The following MTFR1 variants were observed in gnomAD, a reference collection of about 807,000 sequenced individuals.
MTFR1 encodes the protein chondrocyte protein with a poly-proline region.
Under a neutral mutation model 38.8 loss-of-function variants are expected in MTFR1, and 28 were observed. That is an observed-to-expected ratio of 0.72 (90% CI 0.53 to 0.99). The LOEUF (loss-of-function observed/expected upper bound fraction) is 0.99, where lower values mean the gene tolerates loss of function less well. MTFR1 is among the 50% of genes least tolerant of loss of function. The pLI, the probability that MTFR1 is intolerant of heterozygous loss-of-function variation, is 0.00. For missense variants in MTFR1, 358 were observed against 395.5 expected (o/e 0.91, Z 0.81); for synonymous variants, 145 against 137.0 (o/e 1.06, Z -0.41).
intron 1 of MTFR1, among the ~76,000 whole-genome samples, chr8:65,667,098 T>C (rs1254034428): frequency 6.6e-6 from 1 of 152,106 alleles, no homozygotes; most frequent in Admixed American, 6.6e-5. Flanking sequence ...ACCAACATGG[T>C]GAAACCCTGT....
chr8:65,766,226 G>A (rs1344094194), intron 3 of MTFR1, among the ~76,000 whole-genome samples: 1 of 152,160 alleles, frequency 6.6e-6, no homozygotes. Flanking sequence ...GATTACAGGC[G>A]TGAGCCACCA....
At chr8:65,767,390 G>A (rs1194404392) in intron 3 of MTFR1, among the ~76,000 whole-genome samples, 6 of 152,186 alleles carry the variant, frequency 3.9e-5, no homozygotes, top group African/African-American at 1.4e-4. Flanking sequence ...TTTAACTAAT[G>A]GGAGTGTAGT....
chr8:65,660,054 C>G (rs1352911509), intron 1 of MTFR1, among the ~76,000 whole-genome samples: 1 of 152,146 alleles, frequency 6.6e-6, no homozygotes, highest in African/African-American at 2.4e-5. Flanking sequence ...CTTCGGGAGG[C>G]TGAGGCTGGT....
At chr8:65,679,868 G>C (rs16932294) in intron 2 of MTFR1, among the ~76,000 whole-genome samples, 22,810 of 152,034 alleles carry the variant, frequency 0.15, 1,759 homozygotes, top group Middle Eastern at 0.18. Flanking sequence ...AAGCTTCAGA[G>C]TAACTTTGCT....
At chr8:65,655,970 C>CATATATATAT (rs1367084824) in intron 1 of MTFR1, among the ~76,000 whole-genome samples, 3 of 53,636 alleles carry the variant, frequency 5.6e-5, no homozygotes, top group African/African-American at 3.1e-4. Context: ...ATATATATAC[C>CATATATATAT]ATATATATAT....
At chr8:65,739,730 T>G (rs778390474) in intron 3 of MTFR1, 42 of 945,202 alleles carry the variant, frequency 4.4e-5, no homozygotes, top group South Asian at 7.7e-5. Context: ...ATCAAAAATA[T>G]GCATCTTCTT....
At chr8:65,742,553 A>G (rs1380273079) in intron 3 of MTFR1, among the ~76,000 whole-genome samples, 2 of 152,218 alleles carry the variant, frequency 1.3e-5, no homozygotes, top group Non-Finnish European at 2.9e-5. Context: ...CATAAGAAAC[A>G]CAAGAAAGCA....
At chr8:65,739,367 G>C in intron 3 of MTFR1, 1 of 977,038 alleles carries the variant, frequency 1.0e-6, no homozygotes, top group Non-Finnish European at 1.4e-6. Context: ...CTAAATAACT[G>C]TGTGTTGTTT....
At chr8:65,745,374 C>T (rs751938227) in intron 3 of MTFR1, 1 of 1,238,098 alleles carries the variant, frequency 8.1e-7, no homozygotes. Context: ...ATCTAGACTA[C>T]ATTAACTTGA....
chr8:65,653,235 A>G (rs1289918217), intron 1 of MTFR1, among the ~76,000 whole-genome samples: 1 of 152,198 alleles, frequency 6.6e-6, no homozygotes, highest in Non-Finnish European at 1.5e-5. Flanking sequence ...AAGATCGAGC[A>G]CAGTGGCACA....
chr8:65,672,183 C>T (rs1054881602), intron 2 of MTFR1, among the ~76,000 whole-genome samples: 3 of 152,200 alleles, frequency 2.0e-5, no homozygotes, highest in Non-Finnish European at 2.9e-5. Flanking sequence ...CTATTTTTAA[C>T]TTATTGAAGC....
chr8:65,659,317 A>T (rs1311896417), intron 1 of MTFR1, among the ~76,000 whole-genome samples: 1 of 151,812 alleles, frequency 6.6e-6, no homozygotes, highest in Non-Finnish European at 1.5e-5. Context: ...TGAAACCAGC[A>T]CTCAGGCAAA....
chr8:65,695,450 G>C (rs1297384299), intron 4 of MTFR1, among the ~76,000 whole-genome samples: 2 of 151,976 alleles, frequency 1.3e-5, no homozygotes, highest in African/African-American at 4.8e-5. Context: ...CCCACCTCCC[G>C]GGTTCTATCA....
At chr8:65,660,147 C>G (rs370401468) in intron 1 of MTFR1, among the ~76,000 whole-genome samples, 1 of 152,000 alleles carries the variant, frequency 6.6e-6, no homozygotes, top group African/African-American at 2.4e-5. Flanking sequence ...AAAAATTAGC[C>G]AGGCATGGTG....
intron 4 of MTFR1, among the ~76,000 whole-genome samples, chr8:65,700,682 C>T (rs1017048075): frequency 2.0e-5 from 3 of 152,220 alleles, no homozygotes; most frequent in African/African-American, 7.2e-5. Flanking sequence ...AGGGAAAAGT[C>T]AAGCTGGGAA....
intron 3 of MTFR1, chr8:65,747,573 A>C (rs964318587): frequency 1.2e-5 from 10 of 851,888 alleles, no homozygotes; most frequent in Admixed American, 6.2e-5. Flanking sequence ...AGACTCTATA[A>C]ATCATTACTG....
At position 65,644,737 on chromosome 8, in the gene MTFR1, C is replaced by T. The variant is rs1808900607; in HGVS notation, c.-128C>T. ...GCAGCAACGCCACGGGACAGCCAAG[C>T]TAGAAGCCTGAGGAGCCGGAGAGGG... On this transcript the variant is annotated 5_prime_UTR_variant, in exon 1 of 8. Transcript: ENST00000262146. 6.6e-6 allele frequency: 1 copy of T among 152,428 alleles called. No individual in the cohort carries two copies. The highest frequency in any genetic ancestry group is 2.4e-5 in the African/African-American group (1 of 41,472). The allele number at this position is 152,428 out of a possible 1,614,324, so 9.4% of individuals were successfully genotyped here.
intron 1 of MTFR1, among the ~76,000 whole-genome samples, chr8:65,666,490 G>A (rs1241616304): frequency 6.6e-6 from 1 of 152,190 alleles, no homozygotes; most frequent in African/African-American, 2.4e-5. Flanking sequence ...TGGTGTAGTG[G>A]ATAAAAGCAC....
chr8:65,750,510 GTGTC>G (rs1563487116), intron 3 of MTFR1, among the ~76,000 whole-genome samples: 18 of 151,480 alleles, frequency 1.2e-4, no homozygotes, highest in African/African-American at 4.4e-4. Context: ...GTGTCTGTGT[GTGTC>G]TGTGTGTGTG....
Sources: allele counts gnomAD v4.1 joint callset (sites outside exome capture counted in the v4.1 genomes callset), GRCh38; gene constraint gnomAD v4.1.1; transcripts MANE v1.5; gene names NCBI Gene and HGNC (gene_info 2026-07-23, HGNC 2026-07-21).